The following MTCH2 variants were observed in gnomAD, a reference collection of about 807,000 sequenced individuals.
The protein encoded by MTCH2 is mitochondrial carrier homolog 2.
In MTCH2, 25 loss-of-function variants were observed where a neutral mutation model predicts 50.6. That is an observed-to-expected ratio of 0.49 (90% CI 0.36 to 0.69). MTCH2 has a LOEUF of 0.69. Among genes scored for constraint, MTCH2 ranks in the 30% least tolerant of loss-of-function variants. MTCH2 has a pLI of 0.00. For synonymous variants in MTCH2, 106 were observed against 132.0 expected, an observed-to-expected ratio of 0.80 and a Z score of 1.35; for missense variants, 273 against 384.4, an observed-to-expected ratio of 0.71 and a Z score of 2.42.
chr11:47,635,006 C>T (rs1355025435), intron 4 of MTCH2, among the ~76,000 whole-genome samples: 3 of 152,086 alleles, frequency 2.0e-5, no homozygotes, highest in Non-Finnish European at 4.4e-5. Flanking sequence ...TTCCTGACCT[C>T]GTGATCTCCA....
chr11:47,614,685 G>A (rs2097287355), downstream of MTCH2, among the ~76,000 whole-genome samples: 1 of 152,122 alleles, frequency 6.6e-6, no homozygotes, highest in Non-Finnish European at 1.5e-5. Flanking sequence ...GGGTTTCAGC[G>A]ATTCTCCTGC....
At chr11:47,623,376 TA>T (rs1159771280) in intron 11 of MTCH2, among the ~76,000 whole-genome samples, 83 of 101,644 alleles carry the variant, frequency 8.2e-4, no homozygotes, top group South Asian at 2.5e-3. Flanking sequence ...AGTCTTTTTT[TA>T]AAAAAAAAAA....
At chr11:47,628,457 A>G (rs1287314774) in intron 9 of MTCH2, among the ~76,000 whole-genome samples, 2 of 152,198 alleles carry the variant, frequency 1.3e-5, no homozygotes, top group Non-Finnish European at 2.9e-5. Context: ...TACAGTAAAC[A>G]GTATCGTTCT....
At chr11:47,610,721 T>C in the MTCH2 span, among the ~76,000 whole-genome samples, 1 of 152,058 alleles carries the variant, frequency 6.6e-6, no homozygotes, top group African/African-American at 2.4e-5. Flanking sequence ...AAAAGAAAAC[T>C]GTAATGAGTA....
rs2097297726 is a variant in MTCH2 at position 47,625,903 on chromosome 11, A to G, written c.682-162T>C. Among the ~76,000 whole-genome samples the G allele has an allele frequency of 2.0e-5, 3 of 152,222 alleles. No homozygotes were observed. The South Asian group carries it at 6.2e-4, about 32-fold the overall frequency. On this transcript the variant is annotated intron_variant, in intron 10 of 12. Transcript: ENST00000302503. Reference sequence around the variant, plus strand: ...AACAGTTACAGTTTTGAGCCTGGAGATGCTTCTTCCTCTTAGCACACCACT... The same window carrying G: ...AACAGTTACAGTTTTGAGCCTGGAGGTGCTTCTTCCTCTTAGCACACCACT...
rs2097315306 is a variant in MTCH2 at position 47,642,466 on chromosome 11, G to C, written c.-1C>G. ...GCACCTGACTGGCCGCGTCCGCCATGATGGCACCCGCGGGCGGACGGACAG... is the reference window on the plus strand; with the variant it reads ...GCACCTGACTGGCCGCGTCCGCCATCATGGCACCCGCGGGCGGACGGACAG... On this transcript the variant is annotated 5_prime_UTR_variant, in exon 1 of 13. It adds an upstream start codon to the 5' untranslated region. Coordinates refer to ENST00000302503, the MANE Select transcript of MTCH2 (RefSeq NM_014342.4). 4.2e-6 allele frequency: 6 copies of C among 1,433,372 alleles called. No homozygotes were observed. Among genetic ancestry groups the C allele is most frequent in the Middle Eastern group, 2.1e-4 (1 of 4,780 alleles). 88.8% of individuals were successfully genotyped at this position (1,433,372 alleles called of 1,614,324 possible). A position where few individuals can be genotyped will look rare whatever the true frequency, so the allele number is the denominator to read the frequency against.
chr11:47,626,560 C>T (rs1340420928), intron 10 of MTCH2, among the ~76,000 whole-genome samples: 1 of 152,038 alleles, frequency 6.6e-6, no homozygotes, highest in Non-Finnish European at 1.5e-5. Context: ...AGGGGTTCTG[C>T]CTTACTCTCT....
chr11:47,615,046 T>C (rs1351265634), downstream of MTCH2, among the ~76,000 whole-genome samples: 3 of 129,174 alleles, frequency 2.3e-5, no homozygotes, highest in South Asian at 8.1e-4. Context: ...TTTTTTTTTT[T>C]TTTTTTTTTT....
rs765321866 is a variant in MTCH2 at position 47,618,812 on chromosome 11, C to T, written c.*21G>A. The T allele has an allele frequency of 1.2e-6, 2 of 1,604,274 alleles. No individual in the cohort carries two copies. Among genetic ancestry groups the T allele is most frequent in the Non-Finnish European group, 1.7e-6 (2 of 1,171,030 alleles). ...TGTGCATCTGGGACTACAGAAATGT[C>T]ACTGTCCCTGCCCCACATCTTCAAA... On this transcript the variant is annotated 3_prime_UTR_variant, in exon 13 of 13. Transcript: ENST00000302503.
chr11:47,638,880 G>A, intron 2 of MTCH2, 75 bp from the exon 3 acceptor site: 1 of 1,574,476 alleles, frequency 6.4e-7, no homozygotes, highest in South Asian at 1.1e-5. Flanking sequence ...AAAGAAACAA[G>A]CTTTCTATAT....
At chr11:47,630,069 C>A (rs1442856888) in intron 8 of MTCH2, among the ~76,000 whole-genome samples, 1 of 152,128 alleles carries the variant, frequency 6.6e-6, no homozygotes, top group East Asian at 1.9e-4. Flanking sequence ...CACTCTGTCA[C>A]CCGGGCTGGA....
intron 5 of MTCH2, among the ~76,000 whole-genome samples, chr11:47,633,526 A>ATTTTTTTT (rs869251946): frequency 1.4e-4 from 5 of 35,076 alleles, no homozygotes; most frequent in African/African-American, 4.1e-4. Flanking sequence ...ATATATATAT[A>ATTTTTTTT]TTTTTTTTTT....
chr11:47,605,009 CA>C, the MTCH2 span, among the ~76,000 whole-genome samples: 519 of 152,122 alleles, frequency 3.4e-3, 9 homozygotes, highest in Admixed American at 0.021. Flanking sequence ...TGGCTCACTG[CA>C]AGCTCCGCCT....
chr11:47,627,109 T>C lies in MTCH2; in HGVS notation c.652A>G (p.Met218Val), dbSNP rs746958049. ...GTGACAGCTTGAGAATAACTCTTCA[T>C]TTCATTCATGGTAGAAACCTAAAAT... is the stretch of plus-strand genomic sequence containing the variant. The part of the protein sequence containing the change: ...LDSGVSTMNE[M>V]KSYSQAVTGF... The change falls in exon 10 of 13, where the codon ATG becomes GTG. Residue 218 changes from methionine (M) to valine (V), a missense_variant. By Grantham distance (21) the Met-to-Val change is conservative (BLOSUM62 1). Around this residue, in one of 2 missense-constraint regions of MTCH2, gnomAD observed 70 missense variants for 140.1 expected, o/e 0.50. Transcript: ENST00000302503. 3 of 1,602,684 alleles carry C rather than the reference T, an allele frequency of 1.9e-6. No homozygotes were observed. Among genetic ancestry groups the C allele is most frequent in the Admixed American group, 1.7e-5 (1 of 59,006 alleles).
chr11:47,631,129 C>G, intron 6 of MTCH2, 42 bp from the exon 7 acceptor site: 1 of 1,558,148 alleles, frequency 6.4e-7, no homozygotes. Flanking sequence ...TATGTTAAGG[C>G]CAGGTGCGGT....
At chr11:47,622,234 T>G (rs112959561) in intron 12 of MTCH2, among the ~76,000 whole-genome samples, 4 of 152,240 alleles carry the variant, frequency 2.6e-5, no homozygotes, top group African/African-American at 9.6e-5. Context: ...ATACACCTCA[T>G]AGTAATAACA....
the MTCH2 span, among the ~76,000 whole-genome samples, chr11:47,611,970 T>C: frequency 6.6e-6 from 1 of 152,130 alleles, no homozygotes; most frequent in Non-Finnish European, 1.5e-5. Context: ...AACACTTAAC[T>C]CATGCACTGG....
Position 47,635,413 on chromosome 11 carries a change from C to T in MTCH2, c.306+132G>A, listed in dbSNP as rs1018649666. On this transcript the variant is annotated intron_variant, in intron 4 of 12. Coordinates refer to ENST00000302503, the MANE Select transcript of MTCH2 (RefSeq NM_014342.4). ...CAAACAGAACTGTCCAAACTGGTGGCCACCCCATAGGACAACACTCACTGA... is the reference window on the plus strand; with the variant it reads ...CAAACAGAACTGTCCAAACTGGTGGTCACCCCATAGGACAACACTCACTGA... 4.1e-6 allele frequency: 4 copies of T among 982,750 alleles called. No individual in the cohort carries two copies. In the Admixed American group the frequency reaches 6.6e-5, roughly 16 times the overall value. The allele number at this position is 982,750 out of a possible 1,614,324, so 60.9% of individuals were successfully genotyped here.
the MTCH2 span, among the ~76,000 whole-genome samples, chr11:47,610,644 G>A: frequency 2.0e-5 from 3 of 152,186 alleles, no homozygotes; most frequent in Non-Finnish European, 2.9e-5. Flanking sequence ...GGCAGAGGTT[G>A]CAGTGAGCCG....
Sources: gnomAD v4.1 joint callset for allele counts (sites outside exome capture counted in the v4.1 genomes callset) on GRCh38, gnomAD v4.1.1 for gene constraint, gnomAD v4.1.1 regional missense constraint, MANE v1.5 for transcripts, NCBI Gene and HGNC (gene_info 2026-07-23, HGNC 2026-07-21) for gene names.